PCDHGA2: variants seen among roughly 807,000 people sequenced by gnomAD.
The protein encoded by PCDHGA2 is protocadherin gamma subfamily A, 2, also known as protocadherin gamma-A2.
PCDHGA2 carries 40 observed loss-of-function variants against 59.2 expected under a neutral mutation model. The ratio of observed to expected loss-of-function variants is 0.68; its 90% CI spans 0.52 to 0.88. The LOEUF (loss-of-function observed/expected upper bound fraction) is 0.88, where lower values mean the gene tolerates loss of function less well. Among genes scored for constraint, PCDHGA2 ranks in the 40% least tolerant of loss-of-function variants. PCDHGA2 has a pLI of 0.00. For synonymous variants in PCDHGA2, 560 were observed against 526.0 expected (o/e 1.06, Z -0.89); for missense variants, 1,226 against 1,204.0 (o/e 1.02, Z -0.27).
At position 141,345,755 on chromosome 5, in the gene PCDHGA2, C is replaced by T. The variant is rs1407265587; in HGVS notation, c.2424+4360C>T. 9 of 1,614,108 alleles carry T rather than the reference C, an allele frequency of 5.6e-6. No homozygotes were observed. The African/African-American group carries it at 1.1e-4, about 19-fold the overall frequency. On this transcript the variant is annotated intron_variant, in intron 1 of 3. Coordinates refer to ENST00000394576, the MANE Select transcript of PCDHGA2 (RefSeq NM_018915.4). ...CCCTCCCCACAGACGGTTCCACTGG[C>T]GTGGAGCTGGCGCCTCGCTCCGCAG...
At chr5:141,509,404 A>C (rs1248030362) in intron 3 of PCDHGA2, among the ~76,000 whole-genome samples, 3 of 152,112 alleles carry the variant, frequency 2.0e-5, no homozygotes, top group Non-Finnish European at 4.4e-5. Context: ...CAGGGCCTCC[A>C]GCAGCGAGCC....
intron 1 of PCDHGA2, among the ~76,000 whole-genome samples, chr5:141,426,005 G>A (rs189148799): frequency 4.1e-4 from 63 of 152,202 alleles, no homozygotes; most frequent in Admixed American, 2.1e-3. Flanking sequence ...AAAGGCTTCC[G>A]GCTGCAGTTT....
Position 141,344,214 on chromosome 5 carries a change from G to C in PCDHGA2, c.2424+2819G>C, listed in dbSNP as rs774234664. On this transcript the variant is annotated intron_variant, in intron 1 of 3. Coordinates refer to ENST00000394576, the MANE Select transcript of PCDHGA2 (RefSeq NM_018915.4). ...GGGGCTAGAGCCCCGGGAGCTGGCG[G>C]AGCGCGGAGTCCGCATCGTCTCCAG... The C allele has an allele frequency of 2.7e-5, 44 of 1,613,908 alleles. No homozygotes were observed. Among genetic ancestry groups the C allele is most frequent in the Middle Eastern group, 1.6e-4 (1 of 6,070 alleles).
chr5:141,344,990 T>A (rs1219698776), intron 1 of PCDHGA2: 7 of 1,613,944 alleles, frequency 4.3e-6, no homozygotes, highest in Non-Finnish European at 5.9e-6. Flanking sequence ...AAATTAAAAT[T>A]GAAGCACAGG....
Position 141,407,977 on chromosome 5 carries a change from G to T in PCDHGA2, c.2424+66582G>T, listed in dbSNP as rs943554200. ...GTGCAGAGCAAGCGCTGACGCCGGG[G>T]ATCCGTCAGCCTCTGGCCTGGGATT... On this transcript the variant is annotated intron_variant, in intron 1 of 3. Coordinates refer to ENST00000394576, the MANE Select transcript of PCDHGA2 (RefSeq NM_018915.4). 65 of 747,656 alleles carry T rather than the reference G, an allele frequency of 8.7e-5. No individual in the cohort carries two copies. The African/African-American group carries it at 1.0e-3, about 12-fold the overall frequency. The allele number at this position is 747,656 out of a possible 1,614,324, so 46.3% of individuals were successfully genotyped here. A position where few individuals can be genotyped will look rare whatever the true frequency, so the allele number is the denominator to read the frequency against.
intron 1 of PCDHGA2, chr5:141,351,947 C>T: frequency 2.5e-6 from 4 of 1,613,112 alleles, no homozygotes; most frequent in Non-Finnish European, 3.4e-6. Context: ...GTACCCCGCG[C>T]TGGGGCCTGA....
intron 1 of PCDHGA2, among the ~76,000 whole-genome samples, chr5:141,483,980 G>C (rs1379963326): frequency 2.0e-5 from 3 of 148,294 alleles, no homozygotes; most frequent in African/African-American, 7.5e-5. Flanking sequence ...CAAGGGAGTA[G>C]CTAGGTTGCT....
At chr5:141,404,100 T>G in intron 1 of PCDHGA2, 1 of 1,613,618 alleles carries the variant, frequency 6.2e-7, no homozygotes, top group African/African-American at 1.3e-5. Context: ...GGTCAAGTTG[T>G]CTGTTCTATC....
intron 1 of PCDHGA2, chr5:141,478,760 C>T (rs1472984737): frequency 1.5e-5 from 23 of 1,510,888 alleles, no homozygotes; most frequent in Non-Finnish European, 1.9e-5. Context: ...GGGGAAGATA[C>T]TTGACTCATC....
intron 1 of PCDHGA2, chr5:141,478,613 G>T: frequency 6.4e-7 from 1 of 1,557,312 alleles, no homozygotes; most frequent in African/African-American, 1.4e-5. Flanking sequence ...ATTGAGGAAG[G>T]AATGGAGCTG....
rs759346998 is a variant in PCDHGA2 at position 141,410,849 on chromosome 5, CTTTTT to C, written c.2424+69472_2424+69476del. On this transcript the variant is annotated intron_variant, in intron 1 of 3. Transcript: ENST00000394576. ...CAGACTGAAGATATTTTGTCTTTGT[CTTTTT>C]TTTTTTTTTTTTTTTTTGAGATGGA... 1.3e-3 allele frequency: 178 copies of C among 137,948 alleles called. 1 individual carries two copies. Among genetic ancestry groups the C allele is most frequent in the East Asian group, 2.3e-3 (10 of 4,422 alleles). 8.5% of individuals were successfully genotyped at this position (137,948 alleles called of 1,614,324 possible). A position where few individuals can be genotyped will look rare whatever the true frequency, so the allele number is the denominator to read the frequency against.
At position 141,408,836 on chromosome 5, in the gene PCDHGA2, T is replaced by C. The variant is rs772595834; in HGVS notation, c.2424+67441T>C. The C allele has an allele frequency of 5.0e-6, 8 of 1,613,680 alleles. No individual in the cohort carries two copies. In the South Asian group the frequency reaches 6.6e-5, roughly 13 times the overall value. ...AGAACAGAGATCTCATAGCTTGATA[T>C]TGACTGCCTTGGACGGAGGGGACCC... On this transcript the variant is annotated intron_variant, in intron 1 of 3. Transcript: ENST00000394576.
chr5:141,406,096 G>A (rs966441415), intron 1 of PCDHGA2, among the ~76,000 whole-genome samples: 1 of 150,800 alleles, frequency 6.6e-6, no homozygotes, highest in Non-Finnish European at 1.5e-5. Context: ...TTAAGAGATG[G>A]GGGTGTCATT....
rs371619613 is a variant in PCDHGA2 at position 141,444,258 on chromosome 5, G to A, written c.2425-50549G>A. The stretch of plus-strand genomic sequence containing the variant: ...ATGCTCTCGGCTCACTGCAACCTCC[G>A]CCTCCCAGGTTCAAGTGATTCTCCT... On this transcript the variant is annotated intron_variant, in intron 1 of 3. Coordinates refer to ENST00000394576, the MANE Select transcript of PCDHGA2 (RefSeq NM_018915.4). 1.3e-4 allele frequency among the ~76,000 whole-genome samples: 16 copies of A among 127,752 alleles called. No homozygotes were observed. The South Asian group carries it at 2.7e-3, about 21-fold the overall frequency. The allele number at this position is 127,752 out of a possible 152,430, so 83.8% of individuals were successfully genotyped here.
intron 1 of PCDHGA2, among the ~76,000 whole-genome samples, chr5:141,448,861 C>T (rs1017826063): frequency 2.0e-5 from 3 of 152,118 alleles, no homozygotes; most frequent in African/African-American, 7.2e-5. Flanking sequence ...AGGAGAATGG[C>T]GTGAACCTGG....
intron 2 of PCDHGA2, among the ~76,000 whole-genome samples, chr5:141,505,026 G>A (rs190826538): frequency 4.6e-5 from 7 of 152,316 alleles, no homozygotes; most frequent in African/African-American, 1.7e-4. Context: ...GCCTGGCACA[G>A]TGGCAGGTGC....
intron 1 of PCDHGA2, chr5:141,371,741 T>C (rs1767988332): frequency 6.2e-7 from 1 of 1,614,004 alleles, no homozygotes; most frequent in East Asian, 2.2e-5. Flanking sequence ...ACGACAACGT[T>C]CCCGTTTTCC....
At chr5:141,472,172 T>A (rs548514406) in intron 1 of PCDHGA2, among the ~76,000 whole-genome samples, 11 of 152,326 alleles carry the variant, frequency 7.2e-5, no homozygotes, top group African/African-American at 2.6e-4. Context: ...AGGTGTAATA[T>A]CCAGTATTGG....
At chr5:141,484,352 T>A (rs112226980) in intron 1 of PCDHGA2, among the ~76,000 whole-genome samples, 8,127 of 152,270 alleles carry the variant, frequency 0.053, 445 homozygotes, top group African/African-American at 0.15. Context: ...TAATTTAGTG[T>A]ATCTAGTGTA....
Sources: gnomAD v4.1 joint callset for allele counts (sites outside exome capture counted in the v4.1 genomes callset) on GRCh38, gnomAD v4.1.1 for gene constraint, MANE v1.5 for transcripts, NCBI Gene and HGNC (gene_info 2026-07-23, HGNC 2026-07-21) for gene names.